HS3ST4: variants seen among roughly 807,000 people sequenced by gnomAD.
The protein encoded by HS3ST4 is heparan sulfate-glucosamine 3-sulfotransferase 4.
In HS3ST4, 17 loss-of-function variants were observed where a neutral mutation model predicts 29.2. That is an observed-to-expected ratio of 0.58 (90% CI 0.40 to 0.87). HS3ST4 has a LOEUF of 0.87. Among genes scored for constraint, HS3ST4 ranks in the 40% least tolerant of loss-of-function variants. The pLI, the probability that HS3ST4 is intolerant of heterozygous loss-of-function variation, is 0.00. For synonymous variants in HS3ST4, 314 were observed against 285.7 expected, an observed-to-expected ratio of 1.10 and a Z score of -1.00; for missense variants, 627 against 634.5, an observed-to-expected ratio of 0.99 and a Z score of 0.13.
rs79226603 is a variant in HS3ST4, at chr16:26,021,657, CTATTATTAT to C, written c.735-113941_735-113933del. ...CCTCTAAGCACTTCCAATCTAAGTT[CTATTATTAT>C]TATTATTATTATTTTTGAGACAGAG... On this transcript the variant is annotated intron_variant, in intron 1 of 1. Coordinates refer to ENST00000331351, the MANE Select transcript of HS3ST4 (RefSeq NM_006040.3). Among the ~76,000 whole-genome samples, 383 of 151,478 alleles carry C rather than the reference CTATTATTAT, an allele frequency of 2.5e-3. 2 individuals carry two copies. The highest frequency in any genetic ancestry group is 8.6e-3 in the South Asian group (41 of 4,754).
At chr16:25,994,458 T>C (rs1969142165) in intron 1 of HS3ST4, among the ~76,000 whole-genome samples, 1 of 152,170 alleles carries the variant, frequency 6.6e-6, no homozygotes, top group Non-Finnish European at 1.5e-5. Context: ...AAAGAGCACA[T>C]AATATATACT....
chr16:25,829,476 A>G (rs1299998671), intron 1 of HS3ST4, among the ~76,000 whole-genome samples: 2 of 152,162 alleles, frequency 1.3e-5, no homozygotes, highest in South Asian at 2.1e-4. Flanking sequence ...ACGTAGGTAT[A>G]CATGTACCGT....
At chr16:26,058,243 C>CA (rs1385320766) in intron 1 of HS3ST4, among the ~76,000 whole-genome samples, 2 of 152,212 alleles carry the variant, frequency 1.3e-5, no homozygotes, top group African/African-American at 4.8e-5. Flanking sequence ...GGGGCTGCAC[C>CA]ACTGCCTGTT....
chr16:26,100,573 T>C (rs1199975845), intron 1 of HS3ST4, among the ~76,000 whole-genome samples: 4 of 152,134 alleles, frequency 2.6e-5, no homozygotes, highest in Non-Finnish European at 4.4e-5. Context: ...TGTGGTGTGT[T>C]TGAGTCACTC....
chr16:25,955,073 T>G (rs2141698815), intron 1 of HS3ST4, among the ~76,000 whole-genome samples: 1 of 152,282 alleles, frequency 6.6e-6, no homozygotes, highest in South Asian at 2.1e-4. Context: ...ATGCAGGGTG[T>G]TGGTGTCTAG....
intron 1 of HS3ST4, among the ~76,000 whole-genome samples, chr16:25,983,056 G>A (rs960964497): frequency 6.6e-6 from 1 of 152,178 alleles, no homozygotes; most frequent in African/African-American, 2.4e-5. Context: ...GGAGATATGT[G>A]ATGTCCAATA....
intron 1 of HS3ST4, among the ~76,000 whole-genome samples, chr16:26,134,974 C>T: frequency 6.6e-6 from 1 of 151,628 alleles, no homozygotes; most frequent in Admixed American, 6.6e-5. Context: ...AATTTGAATT[C>T]TATATAATTT....
chr16:25,957,487 C>T (rs1968748635), intron 1 of HS3ST4, among the ~76,000 whole-genome samples: 1 of 152,026 alleles, frequency 6.6e-6, no homozygotes, highest in South Asian at 2.1e-4. Flanking sequence ...GCGCGATCTC[C>T]ACTCACTGCA....
chr16:25,856,074 G>A (rs1308966546), intron 1 of HS3ST4, among the ~76,000 whole-genome samples: 6 of 152,058 alleles, frequency 3.9e-5, no homozygotes, highest in Admixed American at 3.9e-4. Context: ...CCCCACCAGA[G>A]CCACAAGGGA....
At chr16:25,937,790 CT>C (rs2141690627) in intron 1 of HS3ST4, among the ~76,000 whole-genome samples, 1 of 152,288 alleles carries the variant, frequency 6.6e-6, no homozygotes, top group Non-Finnish European at 1.5e-5. Flanking sequence ...TCATTTACCC[CT>C]TGTATCTTCC....
intron 1 of HS3ST4, among the ~76,000 whole-genome samples, chr16:25,865,438 T>G (rs1967684248): frequency 6.6e-6 from 1 of 152,216 alleles, no homozygotes; most frequent in Admixed American, 6.5e-5. Context: ...TTCATGTAAC[T>G]GTTGGCCATT....
At chr16:25,938,107 A>T (rs9923048) in intron 1 of HS3ST4, among the ~76,000 whole-genome samples, 83,029 of 151,996 alleles carry the variant, frequency 0.55, 23,433 homozygotes, top group African/African-American at 0.61. Flanking sequence ...AAATATACCA[A>T]ACCTGACCCA....
chr16:25,822,035 CT>C (rs1198813367), intron 1 of HS3ST4, among the ~76,000 whole-genome samples: 1 of 152,158 alleles, frequency 6.6e-6, no homozygotes, highest in Non-Finnish European at 1.5e-5. Flanking sequence ...TCATCCTCTC[CT>C]GTATTTGTGA....
chr16:26,033,972 C>T (rs544542812), intron 1 of HS3ST4, among the ~76,000 whole-genome samples: 1 of 152,280 alleles, frequency 6.6e-6, no homozygotes, highest in South Asian at 2.1e-4. Flanking sequence ...TATAGTATTG[C>T]TTAACAAATA....
chr16:25,978,808 G>T (rs1444211787), intron 1 of HS3ST4, among the ~76,000 whole-genome samples: 1 of 152,160 alleles, frequency 6.6e-6, no homozygotes, highest in Non-Finnish European at 1.5e-5. Flanking sequence ...CCATAGCAAG[G>T]CTCAGGCAAA....
chr16:25,861,639 G>A (rs1442931495), intron 1 of HS3ST4, among the ~76,000 whole-genome samples: 1 of 152,086 alleles, frequency 6.6e-6, no homozygotes, highest in Non-Finnish European at 1.5e-5. Flanking sequence ...TGATATATGA[G>A]CATCCCCAAT....
At chr16:26,092,455 G>C (rs1898869077) in intron 1 of HS3ST4, among the ~76,000 whole-genome samples, 1 of 152,170 alleles carries the variant, frequency 6.6e-6, no homozygotes, top group Non-Finnish European at 1.5e-5. Context: ...TGGCAGGTGA[G>C]AGGCTCTGGC....
At chr16:25,807,933 A>T (rs1388747004) in intron 1 of HS3ST4, among the ~76,000 whole-genome samples, 1 of 150,928 alleles carries the variant, frequency 6.6e-6, no homozygotes. Context: ...CTTATTTTCC[A>T]TTTTCTTTGG....
intron 1 of HS3ST4, among the ~76,000 whole-genome samples, chr16:26,102,256 ATT>A (rs5816353): frequency 0.74 from 111,789 of 151,334 alleles, 42,299 homozygotes; most frequent in Non-Finnish European, 0.83. Context: ...CACAGCAATG[ATT>A]TTTTTTTTTT....
Sources: gnomAD v4.1 joint callset for allele counts (sites outside exome capture counted in the v4.1 genomes callset) on GRCh38, gnomAD v4.1.1 for gene constraint, MANE v1.5 for transcripts, NCBI Gene and HGNC (gene_info 2026-07-23, HGNC 2026-07-21) for gene names.